PSD3: variants seen among roughly 807,000 people sequenced by gnomAD.
PSD3 encodes pleckstrin and Sec7 domain containing 3, also known as PH and SEC7 domain-containing protein 3.
Under a neutral mutation model 105.5 loss-of-function variants are expected in PSD3, and 49 were observed. That is an observed-to-expected ratio of 0.46 (90% confidence interval 0.37 to 0.59). The LOEUF is 0.59. Ranked by LOEUF, PSD3 falls within the 20% of genes least tolerant of loss-of-function variation. The pLI is 0.00. For synonymous variants in PSD3, 557 were observed against 457.8 expected (o/e 1.22, Z -2.77); for missense variants, 1,561 against 1,263.8 (o/e 1.24, Z -3.57).
chr8:18,999,855 T>C (rs1339054436), intron 1 of PSD3, among the ~76,000 whole-genome samples: 1 of 151,732 alleles, frequency 6.6e-6, no homozygotes, highest in East Asian at 1.9e-4. Context: ...GATAATATTT[T>C]CTCACTGACT....
intron 9 of PSD3, among the ~76,000 whole-genome samples, chr8:18,691,683 C>G (rs995643124): frequency 1.3e-5 from 2 of 152,096 alleles, no homozygotes; most frequent in Non-Finnish European, 1.5e-5. Context: ...AAAAGCTAAT[C>G]CAATAAGCCC....
chr8:18,824,433 T>C (rs1194619771), intron 4 of PSD3, among the ~76,000 whole-genome samples: 1 of 152,178 alleles, frequency 6.6e-6, no homozygotes, highest in Non-Finnish European at 1.5e-5. Flanking sequence ...TTCTCATCCT[T>C]AGTTTCCTCA....
intron 12 of PSD3, among the ~76,000 whole-genome samples, chr8:18,585,895 G>C (rs1489167785): frequency 6.6e-6 from 1 of 152,070 alleles, no homozygotes; most frequent in African/African-American, 2.4e-5. Context: ...GTTTGACAAG[G>C]CATGTCTACT....
Position 18,748,435 on chromosome 8 carries a change from C to T in PSD3, c.2172+17014G>A, listed in dbSNP as rs1456120788. ...CAGCACTTTGAGAGGCCAAGGCGGGCGGATCACGAGGCCAGGAGATCGAGA... is the reference window on the plus strand; with the variant it reads ...CAGCACTTTGAGAGGCCAAGGCGGGTGGATCACGAGGCCAGGAGATCGAGA... On this transcript the variant is annotated intron_variant, in intron 9 of 15. Coordinates refer to ENST00000327040, the MANE Select transcript of PSD3 (RefSeq NM_015310.4). 4.6e-5 allele frequency among the ~76,000 whole-genome samples: 7 copies of T among 152,050 alleles called. 1 individual carries two copies. The Middle Eastern group carries it at 0.014, about 298-fold the overall frequency.
intron 4 of PSD3, among the ~76,000 whole-genome samples, chr8:18,838,611 T>C (rs1586182761): frequency 6.6e-6 from 1 of 151,630 alleles, no homozygotes; most frequent in Non-Finnish European, 1.5e-5. Context: ...ACCATCCTGG[T>C]TCACATGGTG....
chr8:18,670,172 C>T (rs998103451), intron 9 of PSD3, among the ~76,000 whole-genome samples: 6 of 152,108 alleles, frequency 3.9e-5, no homozygotes, highest in Admixed American at 1.3e-4. Flanking sequence ...CGTGAGTGAC[C>T]GGGAGCAGCC....
chr8:18,928,634 G>T (rs1821528930), intron 2 of PSD3, among the ~76,000 whole-genome samples: 1 of 152,162 alleles, frequency 6.6e-6, no homozygotes, highest in African/African-American at 2.4e-5. Context: ...ATTAGTGGTT[G>T]CCTAGAATGA....
At chr8:18,709,964 G>T (rs1447082920) in intron 9 of PSD3, among the ~76,000 whole-genome samples, 1 of 152,184 alleles carries the variant, frequency 6.6e-6, no homozygotes. Context: ...CACCTCTCCA[G>T]CAAGGGCACA....
At chr8:18,986,233 T>A (rs761675154) in intron 1 of PSD3, among the ~76,000 whole-genome samples, 2 of 152,316 alleles carry the variant, frequency 1.3e-5, no homozygotes, top group South Asian at 2.1e-4. Context: ...TGAATAGATA[T>A]AAATGACTGT....
At chr8:18,735,457 A>G (rs1177588237) in intron 9 of PSD3, among the ~76,000 whole-genome samples, 15 of 152,172 alleles carry the variant, frequency 9.9e-5, no homozygotes, top group Non-Finnish European at 1.5e-5. Context: ...TCCCTAGGAT[A>G]AGATTCCCAG....
intron 1 of PSD3, among the ~76,000 whole-genome samples, chr8:19,040,309 C>T (rs1828078365): frequency 6.6e-6 from 1 of 152,142 alleles, no homozygotes; most frequent in South Asian, 2.1e-4. Flanking sequence ...CTCAAGTGAT[C>T]TCCCACCTCA....
chr8:18,959,429 T>C (rs1407171934), intron 1 of PSD3, among the ~76,000 whole-genome samples: 1 of 152,146 alleles, frequency 6.6e-6, no homozygotes, highest in Non-Finnish European at 1.5e-5. Flanking sequence ...TACAGCATTT[T>C]AAAACCTTCA....
At chr8:18,593,232 A>C (rs1437110234) in intron 12 of PSD3, among the ~76,000 whole-genome samples, 1 of 152,236 alleles carries the variant, frequency 6.6e-6, no homozygotes, top group African/African-American at 2.4e-5. Flanking sequence ...CATCTGACAA[A>C]GGGCTAATAT....
At chr8:18,968,044 C>T (rs1387382818) in intron 1 of PSD3, among the ~76,000 whole-genome samples, 1 of 146,902 alleles carries the variant, frequency 6.8e-6, no homozygotes, top group Non-Finnish European at 1.5e-5. Flanking sequence ...CTGACCACAG[C>T]AGACATTCAT....
intron 12 of PSD3, among the ~76,000 whole-genome samples, chr8:18,583,179 C>CTATAA (rs1802933478): frequency 6.6e-6 from 1 of 152,098 alleles, no homozygotes; most frequent in Admixed American, 6.6e-5. Flanking sequence ...TGGCTCACAC[C>CTATAA]TATAATCCCT....
intron 12 of PSD3, among the ~76,000 whole-genome samples, chr8:18,575,989 A>G (rs888365678): frequency 6.6e-5 from 10 of 152,254 alleles, no homozygotes; most frequent in African/African-American, 2.4e-4. Flanking sequence ...AAAACAAGAT[A>G]AACATGCATT....
intron 1 of PSD3, among the ~76,000 whole-genome samples, chr8:19,035,818 G>A (rs938274286): frequency 1.3e-5 from 2 of 151,960 alleles, no homozygotes; most frequent in Admixed American, 6.6e-5. Context: ...GCTATGACCC[G>A]ATCTCAGCTC....
intron 9 of PSD3, among the ~76,000 whole-genome samples, chr8:18,675,918 C>T (rs756088713): frequency 5.3e-5 from 8 of 152,148 alleles, no homozygotes; most frequent in Non-Finnish European, 7.4e-5. Context: ...CTAAGCTGGA[C>T]GCAATCCCTA....
chr8:18,835,155 CT>C (rs1213027674), intron 4 of PSD3, among the ~76,000 whole-genome samples: 7 of 152,196 alleles, frequency 4.6e-5, no homozygotes, highest in Admixed American at 4.6e-4. Flanking sequence ...GGTCTAACAA[CT>C]CTTAAAATAT....
Sources: gnomAD v4.1 joint callset for allele counts (sites outside exome capture counted in the v4.1 genomes callset) on GRCh38, gnomAD v4.1.1 for gene constraint, MANE v1.5 for transcripts, NCBI Gene and HGNC (gene_info 2026-07-23, HGNC 2026-07-21) for gene names.